The following ABCB1 variants were observed in gnomAD, a reference collection of about 807,000 sequenced individuals.
ABCB1 encodes the protein ATP binding cassette subfamily B member 1.
In ABCB1, 69 loss-of-function variants were observed where a neutral mutation model predicts 142.0. The observed-to-expected ratio is 0.49, with a 90% CI of 0.40 to 0.59. ABCB1 has a LOEUF of 0.59. Among genes scored for constraint, ABCB1 ranks in the 20% least tolerant of loss-of-function variants. The pLI is 0.00. For synonymous variants in ABCB1, 532 were observed against 539.2 expected (o/e 0.99, Z 0.18); for missense variants, 1,326 against 1,554.7 (o/e 0.85, Z 2.47).
chr7:87,676,373 G>A (rs1585071747), intron 1 of ABCB1, among the ~76,000 whole-genome samples: 1 of 151,608 alleles, frequency 6.6e-6, no homozygotes, highest in African/African-American at 2.4e-5. Flanking sequence ...AAGAAACTCA[G>A]TAGAAAACAA....
At chr7:87,646,189 G>A (rs552550237) in intron 1 of ABCB1, among the ~76,000 whole-genome samples, 1 of 152,284 alleles carries the variant, frequency 6.6e-6, no homozygotes, top group South Asian at 2.1e-4. Context: ...TAACCTATGA[G>A]TAATGTAGAA....
rs775665658 is a variant in ABCB1 at position 87,561,265 on chromosome 7, T to C, written c.825A>G (p.Glu275=). Reference sequence around the variant, plus strand: ...CCATTTAAAAAAGAAACTCAAACCTTTCAAGTTCTTTCTTTTGTCCTCCAA... The same window carrying C: ...CCATTTAAAAAAGAAACTCAAACCTCTCAAGTTCTTTCTTTTGTCCTCCAA... The part of the protein sequence containing the change: ...IAFGGQKKEL[E]RYNKNLEEAK... Residue 275 remains glutamate (E), a splice_region_variant and synonymous_variant, in exon 8 of 28, where the codon GAA becomes GAG. Transcript: ENST00000622132. 1.2e-6 allele frequency: 2 copies of C among 1,613,790 alleles called. No individual in the cohort carries two copies. The highest frequency in any genetic ancestry group is 1.1e-5 in the South Asian group (1 of 91,062).
chr7:87,682,540 A>G (rs1002581744), intron 1 of ABCB1, among the ~76,000 whole-genome samples: 4 of 152,220 alleles, frequency 2.6e-5, no homozygotes, highest in Non-Finnish European at 5.9e-5. Flanking sequence ...TGAAAACAAC[A>G]TTAATCTCCT....
intron 8 of ABCB1, among the ~76,000 whole-genome samples, chr7:87,556,998 T>C (rs939381020): frequency 1.3e-5 from 2 of 152,176 alleles, no homozygotes; most frequent in Non-Finnish European, 2.9e-5. Flanking sequence ...GTTCCCACCA[T>C]GGCTTGCTTT....
chr7:87,694,306 T>C (rs981607083), intron 1 of ABCB1, among the ~76,000 whole-genome samples: 1 of 152,148 alleles, frequency 6.6e-6, no homozygotes, highest in Admixed American at 6.6e-5. Context: ...CAATAACTGC[T>C]TTTTCATTCT....
chr7:87,668,458 T>C lies in ABCB1; in HGVS notation c.-331+44703A>G, dbSNP rs527804181. Among the ~76,000 whole-genome samples the C allele has an allele frequency of 3.9e-5, 6 of 152,112 alleles. No homozygotes were observed. The South Asian group carries it at 8.3e-4, about 21-fold the overall frequency. On this transcript the variant is annotated intron_variant, in intron 1 of 28. Coordinates refer to the ABCB1 transcript ENST00000265724. ...GCCCTTGGATTAATTGATCTTTTGA[T>C]TGTTTTTTTTGTGTCTCAGTTTCCT...
chr7:87,699,760 C>T (rs368846159), intron 1 of ABCB1, among the ~76,000 whole-genome samples: 19 of 152,162 alleles, frequency 1.2e-4, no homozygotes, highest in Non-Finnish European at 1.9e-4. Context: ...TGGTCATGAA[C>T]GGATACATAG....
intron 1 of ABCB1, among the ~76,000 whole-genome samples, chr7:87,616,358 C>A (rs1281216312): frequency 6.6e-6 from 1 of 152,144 alleles, no homozygotes; most frequent in Non-Finnish European, 1.5e-5. Flanking sequence ...TGTTATAAGA[C>A]TATGAAGAAG....
chr7:87,545,970 T>C lies in ABCB1; in HGVS notation c.1780A>G (p.Asn594Asp). The C allele has an allele frequency of 6.2e-7, 1 of 1,614,142 alleles. No individual in the cohort carries two copies. Among genetic ancestry groups the C allele is most frequent in the Non-Finnish European group, 8.5e-7 (1 of 1,180,012 alleles). ...VIAHRLSTVRNADVIAGFDDG... is the reference protein window; with the variant it reads ...VIAHRLSTVRDADVIAGFDDG... ...TCGAAACCAGCGATGACGTCAGCAT[T>C]ACGAACTGTAGACAAACGATGAGCT... Residue 594 changes from asparagine to aspartate, a missense_variant, in exon 15 of 28, where the codon AAT becomes GAT. Transcript: ENST00000622132.
At chr7:87,606,661 G>A (rs960735036) in intron 1 of ABCB1, among the ~76,000 whole-genome samples, 21 of 152,120 alleles carry the variant, frequency 1.4e-4, no homozygotes, top group Middle Eastern at 6.8e-3. Context: ...AATTATAATA[G>A]CATAATATTC....
intron 3 of ABCB1, among the ~76,000 whole-genome samples, chr7:87,587,654 G>A (rs566941452): frequency 2.6e-5 from 4 of 152,124 alleles, no homozygotes; most frequent in South Asian, 2.1e-4. Flanking sequence ...GGCAGATCAC[G>A]AGGTCAGGAG....
intron 14 of ABCB1, among the ~76,000 whole-genome samples, chr7:87,548,490 G>A (rs1004682591): frequency 6.6e-6 from 1 of 152,318 alleles, no homozygotes; most frequent in East Asian, 1.9e-4. Context: ...AGAATGTTTA[G>A]TAAGCTGCTT....
chr7:87,696,455 C>G (rs1319752017), intron 1 of ABCB1, among the ~76,000 whole-genome samples: 2 of 152,208 alleles, frequency 1.3e-5, no homozygotes, highest in East Asian at 3.9e-4. Flanking sequence ...GCAGATAACT[C>G]ATTGAACACA....
chr7:87,589,751 C>A (rs1220259467), intron 3 of ABCB1, among the ~76,000 whole-genome samples: 3 of 148,400 alleles, frequency 2.0e-5, no homozygotes, highest in Non-Finnish European at 4.4e-5. Flanking sequence ...TGCCACTGTA[C>A]TCCAGCCTGG....
chr7:87,647,760 A>G (rs964005339), intron 1 of ABCB1, among the ~76,000 whole-genome samples: 6 of 152,198 alleles, frequency 3.9e-5, no homozygotes, highest in African/African-American at 1.4e-4. Flanking sequence ...TAACAAATAC[A>G]CATCATGATC....
At chr7:87,581,535 CA>C (rs1253321910) in intron 4 of ABCB1, among the ~76,000 whole-genome samples, 3 of 151,948 alleles carry the variant, frequency 2.0e-5, no homozygotes. Flanking sequence ...GATTTTAAGG[CA>C]AAGGCTACAC....
intron 1 of ABCB1, among the ~76,000 whole-genome samples, chr7:87,674,087 G>A (rs1309221836): frequency 6.6e-6 from 1 of 152,192 alleles, no homozygotes; most frequent in Non-Finnish European, 1.5e-5. Context: ...TGCACTGGAA[G>A]GGCCAAGGTG....
At chr7:87,672,145 G>A (rs1252637724) in intron 1 of ABCB1, among the ~76,000 whole-genome samples, 1 of 152,226 alleles carries the variant, frequency 6.6e-6, no homozygotes, top group East Asian at 1.9e-4. Flanking sequence ...TCATCCCAGG[G>A]AGAATTCAAA....
chr7:87,636,192 T>A (rs1821754082), intron 1 of ABCB1, among the ~76,000 whole-genome samples: 1 of 152,214 alleles, frequency 6.6e-6, no homozygotes, highest in African/African-American at 2.4e-5. Flanking sequence ...CTCATACTAG[T>A]GAGCATTGTG....
Sources: allele counts gnomAD v4.1 joint callset (sites outside exome capture counted in the v4.1 genomes callset), GRCh38; gene constraint gnomAD v4.1.1; transcripts MANE v1.5; gene names NCBI Gene and HGNC (gene_info 2026-07-23, HGNC 2026-07-21).